SPEN: variants seen among roughly 807,000 people sequenced by gnomAD.
The protein encoded by SPEN is msx2-interacting protein.
Under a neutral mutation model 269.9 loss-of-function variants are expected in SPEN, and 18 were observed. That is an observed-to-expected ratio of 0.07 (90% confidence interval 0.05 to 0.10). The LOEUF (loss-of-function observed/expected upper bound fraction) is 0.10, where lower values mean the gene tolerates loss of function less well. SPEN is among the 10% of genes least tolerant of loss of function. SPEN has a pLI of 1.00. For missense variants in SPEN, 3,822 were observed against 4,631.2 expected (o/e 0.83, Z 5.07); for synonymous variants, 1,726 against 1,765.7 (o/e 0.98, Z 0.56).
At chr1:15,859,353 C>CTTTTTTTTTTTTT (rs1272953375) in intron 1 of SPEN, among the ~76,000 whole-genome samples, 12 of 105,174 alleles carry the variant, frequency 1.1e-4, no homozygotes, top group African/African-American at 4.7e-4. Flanking sequence ...TTTTCTTTTT[C>CTTTTTTTTTTTTT]TTTTCTTTTT....
At chr1:15,885,309 CTTT>C (rs1158001977) in intron 3 of SPEN, among the ~76,000 whole-genome samples, 1 of 152,034 alleles carries the variant, frequency 6.6e-6, no homozygotes, top group Non-Finnish European at 1.5e-5. Context: ...TTCGTTATTA[CTTT>C]TTTAGATCGT....
intron 1 of SPEN, among the ~76,000 whole-genome samples, chr1:15,862,846 C>T (rs2070461379): frequency 6.6e-6 from 1 of 151,724 alleles, no homozygotes. Context: ...ACTGTAAGCT[C>T]CGCCTCCCAG....
At chr1:15,874,887 G>A (rs1372473027) in intron 2 of SPEN, among the ~76,000 whole-genome samples, 2 of 152,154 alleles carry the variant, frequency 1.3e-5, no homozygotes, top group Non-Finnish European at 2.9e-5. Flanking sequence ...CTAGGAAGGT[G>A]GGGTTGCTAC....
At chr1:15,925,827 C>T (rs1336839847) in intron 10 of SPEN, among the ~76,000 whole-genome samples, 1 of 152,164 alleles carries the variant, frequency 6.6e-6, no homozygotes, top group East Asian at 1.9e-4. Context: ...AATGACCATT[C>T]TAGGTGTCTT....
rs189779197 is a variant in SPEN at position 15,896,318 on chromosome 1, C to T, written c.882-13003C>T. The stretch of plus-strand genomic sequence containing the variant: ...TCAAGCAATTCTCCTGTCTCAGCCT[C>T]CCACGTAGCTGGGACTGCAGGCGTG... On this transcript the variant is annotated intron_variant, in intron 3 of 14. Transcript: ENST00000375759. 6.1e-3 allele frequency among the ~76,000 whole-genome samples: 921 copies of T among 151,254 alleles called. 4 individuals are homozygous for T. The highest frequency in any genetic ancestry group is 0.024 in the Middle Eastern group (7 of 292).
chr1:15,901,331 A>T (rs963873007), intron 3 of SPEN, among the ~76,000 whole-genome samples: 6 of 151,422 alleles, frequency 4.0e-5, no homozygotes, highest in African/African-American at 1.5e-4. Context: ...AAAAAATAAA[A>T]AAATAAAAAA....
chr1:15,931,780 T>C lies in SPEN; in HGVS notation c.5540T>C (p.Ile1847Thr), dbSNP rs2071223369. The C allele has an allele frequency of 6.2e-7, 1 of 1,613,992 alleles. No individual in the cohort carries two copies. The highest frequency in any genetic ancestry group is 1.7e-5 in the Admixed American group (1 of 60,008). Residue 1847 changes from isoleucine to threonine, a missense_variant, in exon 11 of 15, where the codon ATA (isoleucine) becomes ACA (threonine). Transcript: ENST00000375759. This position sits in a 1 kb window ranked among gnomAD's most constrained non-coding sequence, Gnocchi z 4.8. ...EKPVTRKSER[I>T]DREKLKRSNS... Reference sequence around the variant, plus strand: ...CCCGTCACAAGGAAGAGTGAGAGGATAGACCGGGAAAAACTCAAGCGGTCC... The same window carrying C: ...CCCGTCACAAGGAAGAGTGAGAGGACAGACCGGGAAAAACTCAAGCGGTCC...
rs183928867 is a variant in SPEN at position 15,871,939 on chromosome 1, G to A, written c.84-877G>A. 6.4e-3 allele frequency among the ~76,000 whole-genome samples: 977 copies of A among 152,176 alleles called. 8 individuals are homozygous for A. The highest frequency in any genetic ancestry group is 0.02 in the Middle Eastern group (6 of 294). Reference sequence around the variant, plus strand: ...TATAAATATTTGTAAAAACTTCTGAGAAGTGTATTTCAAGGCCGGGTGCTG... The same window carrying A: ...TATAAATATTTGTAAAAACTTCTGAAAAGTGTATTTCAAGGCCGGGTGCTG... On this transcript the variant is annotated intron_variant, in intron 1 of 14. Transcript: ENST00000375759.
rs775705836 is a variant in SPEN, at chr1:15,918,937, T to G, written c.1407T>G (p.Ile469Met). The G allele has an allele frequency of 1.2e-6, 2 of 1,607,950 alleles. No individual in the cohort carries two copies. The highest frequency in any genetic ancestry group is 2.2e-5 in the South Asian group (2 of 90,134). The change falls in exon 7 of 15, where the codon ATT (isoleucine) becomes ATG (methionine). Residue 469 changes from isoleucine to methionine, a missense_variant. By Grantham distance (10) the Ile-to-Met change is conservative. This residue lies in a region of SPEN where 230 missense variants were observed against 426.1 expected (regional missense o/e 0.54). Coordinates refer to ENST00000375759, the MANE Select transcript of SPEN (RefSeq NM_015001.3). ...ATTGGTTTTTTCAGGATATTGACAT[T>G]AAGAAAGTAAATGGAGTTCCTCAGT... ...QRFGEIVDIDIKKVNGVPQYA... is the reference protein window; with the variant it reads ...QRFGEIVDIDMKKVNGVPQYA...
chr1:15,924,537 C>T (rs1557756767), intron 10 of SPEN, among the ~76,000 whole-genome samples: 2 of 151,852 alleles, frequency 1.3e-5, no homozygotes, highest in African/African-American at 4.8e-5. Flanking sequence ...CTTGGCTTAC[C>T]GCAACCTCTG....
intron 1 of SPEN, among the ~76,000 whole-genome samples, chr1:15,865,581 TC>T (rs763597051): frequency 2.0e-5 from 3 of 150,796 alleles, no homozygotes; most frequent in Non-Finnish European, 4.4e-5. Flanking sequence ...CACCGCCACA[TC>T]CGGCTAATTT....
In SPEN at chr1:15,939,436, G is replaced by T; in HGVS notation, c.*9G>T. 2 of 1,580,956 alleles carry T rather than the reference G, an allele frequency of 1.3e-6. No homozygotes were observed. The highest frequency in any genetic ancestry group is 1.7e-6 in the Non-Finnish European group (2 of 1,163,812). On this transcript the variant is annotated 3_prime_UTR_variant, in exon 15 of 15. Transcript: ENST00000375759. The surrounding 1 kb of genome is among the most constrained non-coding windows in gnomAD (Gnocchi z 4.1). ...TCATTGCCTCCGTGTGAGCCACTGAGTGGTTATCACCTCAGTGAATCTTCC... is the reference window on the plus strand; with the variant it reads ...TCATTGCCTCCGTGTGAGCCACTGATTGGTTATCACCTCAGTGAATCTTCC...
intron 3 of SPEN, among the ~76,000 whole-genome samples, chr1:15,887,886 G>A (rs2070751430): frequency 6.6e-6 from 1 of 150,788 alleles, no homozygotes; most frequent in Non-Finnish European, 1.5e-5. Context: ...AACTGGGCAT[G>A]GTGGTATGGT....
At position 15,939,322 on chromosome 1, in the gene SPEN, G is replaced by C. The variant is rs766230478; in HGVS notation, c.10890G>C (p.Pro3630=). The change falls in exon 15 of 15, where the codon CCG becomes CCC. Residue 3630 remains proline, a synonymous_variant. Transcript: ENST00000375759. The surrounding 1 kb of genome is among the most constrained non-coding windows in gnomAD (Gnocchi z 4.1). ...CTGCCTACGTGCTGCAGATCTTCCC[G>C]CCCTGTGAGTTCTCTGAGAGTCACC... ...NQPAYVLQIF[P]PCEFSESHLS... is the part of the protein sequence containing the mutation. 1 of 1,600,988 alleles carries C rather than the reference G, an allele frequency of 6.2e-7. No homozygotes were observed. The highest frequency in any genetic ancestry group is 1.3e-5 in the African/African-American group (1 of 74,410).
intron 1 of SPEN, among the ~76,000 whole-genome samples, chr1:15,871,347 A>G (rs940788516): frequency 6.6e-6 from 1 of 151,510 alleles, no homozygotes; most frequent in African/African-American, 2.4e-5. Context: ...TGTATTTTCT[A>G]TTTTCTTTTT....
intron 3 of SPEN, among the ~76,000 whole-genome samples, chr1:15,901,952 A>G (rs1401611284): frequency 1.7e-5 from 2 of 120,252 alleles, no homozygotes; most frequent in Non-Finnish European, 3.3e-5. Flanking sequence ...TTTTTTTGAG[A>G]CAGTCTTACT....
rs1394800026 is a variant in SPEN at position 15,878,261 on chromosome 1, T to G, written c.881+1583T>G. Among the ~76,000 whole-genome samples the G allele has an allele frequency of 3.3e-5, 5 of 152,240 alleles. 1 individual carries two copies. The highest frequency in any genetic ancestry group is 5.9e-5 in the Non-Finnish European group (4 of 68,044). ...CCTGATTAAAAGGCTCAGATTACTTTTCTTTTGCCTGCTTAAAATTAATTT... is the reference window on the plus strand; with the variant it reads ...CCTGATTAAAAGGCTCAGATTACTTGTCTTTTGCCTGCTTAAAATTAATTT... On this transcript the variant is annotated intron_variant, in intron 3 of 14. Coordinates refer to ENST00000375759, the MANE Select transcript of SPEN (RefSeq NM_015001.3).
intron 3 of SPEN, among the ~76,000 whole-genome samples, chr1:15,879,004 C>CAAAAAAAAA (rs3048559): frequency 2.6e-5 from 2 of 76,534 alleles, no homozygotes; most frequent in Non-Finnish European, 5.0e-5. Flanking sequence ...GACTCTGTCT[C>CAAAAAAAAA]AAAAAAAAAA....
chr1:15,853,941 A>T (rs557447225), intron 1 of SPEN, among the ~76,000 whole-genome samples: 1 of 152,004 alleles, frequency 6.6e-6, no homozygotes, highest in Non-Finnish European at 1.5e-5. Context: ...CTGGGATTAC[A>T]AGCATGAGGC....
Sources: allele counts gnomAD v4.1 joint callset (sites outside exome capture counted in the v4.1 genomes callset), GRCh38; gene constraint gnomAD v4.1.1; regional missense constraint gnomAD v4.1.1; non-coding constraint Gnocchi (gnomAD v3.1); transcripts MANE v1.5; gene names NCBI Gene and HGNC (gene_info 2026-07-23, HGNC 2026-07-21).